The following LOXHD1 variants were observed in gnomAD, a reference collection of about 807,000 sequenced individuals.
The protein encoded by LOXHD1 is lipoxygenase homology PLAT domains 1.
A neutral mutation model predicts 248.2 loss-of-function variants in LOXHD1; 205 were observed. That is an observed-to-expected ratio of 0.83 (90% CI 0.74 to 0.93). The LOEUF (loss-of-function observed/expected upper bound fraction) is 0.93, where lower values mean the gene tolerates loss of function less well. Among genes scored for constraint, LOXHD1 ranks in the 40% least tolerant of loss-of-function variants. The pLI is 0.00. For missense variants in LOXHD1, 2,930 were observed against 2,971.6 expected (o/e 0.99, Z 0.33); for synonymous variants, 1,113 against 1,162.8 (o/e 0.96, Z 0.87).
intron 15 of LOXHD1, among the ~76,000 whole-genome samples, chr18:46,570,281 C>T (rs956413617): frequency 1.1e-4 from 16 of 152,188 alleles, no homozygotes; most frequent in Non-Finnish European, 2.2e-4. Context: ...CAAAAACACC[C>T]GAGGAAAAGG....
intron 37 of LOXHD1, among the ~76,000 whole-genome samples, chr18:46,494,813 A>G (rs983723083): frequency 7.5e-6 from 1 of 134,026 alleles, no homozygotes; most frequent in South Asian, 2.4e-4. Flanking sequence ...TAATATTTCT[A>G]TGATTTATAT....
At chr18:46,581,177 G>A (rs1014965744) in intron 12 of LOXHD1, among the ~76,000 whole-genome samples, 2 of 152,210 alleles carry the variant, frequency 1.3e-5, no homozygotes. Context: ...AATAATTACA[G>A]TAGTCTAGAA....
At chr18:46,656,802 G>T in intron 1 of LOXHD1, 102 bp downstream of exon 1, 1 of 1,317,502 alleles carries the variant, frequency 7.6e-7, no homozygotes, top group South Asian at 1.4e-5. Flanking sequence ...GTGAGGAAGG[G>T]CTTGCTCCGA....
intron 25 of LOXHD1, among the ~76,000 whole-genome samples, chr18:46,539,000 A>C (rs79484026): frequency 0.14 from 21,145 of 152,174 alleles, 1,580 homozygotes; most frequent in South Asian, 0.23. Flanking sequence ...ACCAGGGTTT[A>C]TTGGTCCCAC....
chr18:46,602,774 T>C (rs2038358093), intron 7 of LOXHD1, among the ~76,000 whole-genome samples: 1 of 152,106 alleles, frequency 6.6e-6, no homozygotes, highest in African/African-American at 2.4e-5. Flanking sequence ...GGAATGGTCA[T>C]TGCTCTAGAA....
intron 15 of LOXHD1, among the ~76,000 whole-genome samples, chr18:46,571,792 T>C (rs2037756448): frequency 6.6e-6 from 1 of 152,208 alleles, no homozygotes. Context: ...TTTCTCTTCT[T>C]AAGGCCTGAA....
chr18:46,609,220 A>G (rs954462815), intron 6 of LOXHD1, among the ~76,000 whole-genome samples: 2 of 152,232 alleles, frequency 1.3e-5, no homozygotes, highest in Non-Finnish European at 2.9e-5. Context: ...TGAAAGTCCC[A>G]GTGCTGGCGA....
rs1029128715 is a variant in LOXHD1 at position 46,577,800 on chromosome 18, C to T, written c.1877G>A (p.Gly626Asp). Residue 626 changes from glycine (G) to aspartate (D), a missense_variant, in exon 14 of 41, where the codon GGC (glycine) becomes GAC (aspartate). Coordinates refer to ENST00000642948, the MANE Select transcript of LOXHD1 (RefSeq NM_001384474.1). ...GTACCAGCCGCTGCCGGAGCCTTTG[C>T]CATCGTGTCTGATCCTCACCCGCCT... The part of the protein sequence containing the change: ...NVRRVRIRHD[G>D]KGSGSGWYLD... 6.4e-7 allele frequency: 1 copy of T among 1,551,716 alleles called. No individual in the cohort carries two copies. Among genetic ancestry groups the T allele is most frequent in the Non-Finnish European group, 8.7e-7 (1 of 1,146,994 alleles).
At chr18:46,518,868 G>A (rs1360945910) in intron 33 of LOXHD1, 26 of 985,468 alleles carry the variant, frequency 2.6e-5, no homozygotes, top group Non-Finnish European at 3.1e-5. Context: ...GCCATCGGGA[G>A]TGATTCTTAC....
intron 21 of LOXHD1, among the ~76,000 whole-genome samples, chr18:46,549,539 C>T (rs1008375943): frequency 6.6e-6 from 1 of 152,182 alleles, no homozygotes; most frequent in Non-Finnish European, 1.5e-5. Context: ...CCCTAACAAG[C>T]TGTGAGATCC....
At chr18:46,515,202 C>T (rs1194654927) in intron 34 of LOXHD1, among the ~76,000 whole-genome samples, 1 of 152,164 alleles carries the variant, frequency 6.6e-6, no homozygotes, top group Non-Finnish European at 1.5e-5. Flanking sequence ...GCATGCATAT[C>T]TCAGCCTCAT....
chr18:46,533,243 G>A lies in LOXHD1; in HGVS notation c.4294C>T (p.Pro1432Ser). 1 of 1,551,744 alleles carries A rather than the reference G, an allele frequency of 6.4e-7. No individual in the cohort carries two copies. Among genetic ancestry groups the A allele is most frequent in the African/African-American group, 1.4e-5 (1 of 73,152 alleles). ...DDKKTIRELV[P>S]YDIFTEKYMK... ...TATTTCTCAGTGAAGATGTCATATG[G>A]AACCAGTTCTCGAATGGTCTTTTTG... The change falls in exon 28 of 41, where the codon CCA (proline) becomes TCA (serine). Residue 1432 changes from proline to serine, a missense_variant. Coordinates refer to ENST00000642948, the MANE Select transcript of LOXHD1 (RefSeq NM_001384474.1).
intron 28 of LOXHD1, among the ~76,000 whole-genome samples, chr18:46,529,597 C>T (rs950555067): frequency 6.6e-6 from 1 of 152,186 alleles, no homozygotes; most frequent in Admixed American, 6.5e-5. Flanking sequence ...ACCCCTCAAA[C>T]GATCTATCTG....
chr18:46,559,424 A>T, intron 20 of LOXHD1, 24 bp downstream of exon 20: 1 of 1,551,866 alleles, frequency 6.4e-7, no homozygotes, highest in Non-Finnish European at 8.7e-7. Context: ...GCCCCCACCC[A>T]GGGGCCAGAG....
intron 4 of LOXHD1, among the ~76,000 whole-genome samples, chr18:46,637,746 C>T (rs372911481): frequency 6.6e-6 from 1 of 152,050 alleles, no homozygotes; most frequent in Non-Finnish European, 1.5e-5. Flanking sequence ...GATAATCAAA[C>T]AATACTACCA....
chr18:46,647,850 T>A (rs948577160), intron 2 of LOXHD1, among the ~76,000 whole-genome samples: 3 of 152,094 alleles, frequency 2.0e-5, no homozygotes, highest in African/African-American at 7.2e-5. Context: ...AGGGTCACAA[T>A]CTGGAGCCCC....
intron 21 of LOXHD1, among the ~76,000 whole-genome samples, chr18:46,555,976 C>T (rs1230189904): frequency 6.6e-6 from 1 of 152,010 alleles, no homozygotes; most frequent in South Asian, 2.1e-4. Flanking sequence ...TGCTTGCGGA[C>T]ATCCATAAGC....
intron 4 of LOXHD1, among the ~76,000 whole-genome samples, chr18:46,631,790 C>A (rs80324090): frequency 8.5e-5 from 13 of 152,168 alleles, no homozygotes; most frequent in Non-Finnish European, 1.5e-4. Flanking sequence ...GGGCTTGATG[C>A]GATAGGGCCT....
chr18:46,509,415 C>T lies in LOXHD1; in HGVS notation c.5517+283G>A, dbSNP rs557860374. 2.6e-5 allele frequency among the ~76,000 whole-genome samples: 4 copies of T among 152,222 alleles called. No homozygotes were observed. In the South Asian group the frequency reaches 6.2e-4, roughly 24 times the overall value. ...CTCCCAGCTGCTGTCCTGAAGGAAG[C>T]CCACACCACCCCTCCCCTTTCTCAG... On this transcript the variant is annotated intron_variant, in intron 35 of 40. Transcript: ENST00000642948.
Sources: allele counts gnomAD v4.1 joint callset (sites outside exome capture counted in the v4.1 genomes callset), GRCh38; gene constraint gnomAD v4.1.1; transcripts MANE v1.5; gene names NCBI Gene and HGNC (gene_info 2026-07-23, HGNC 2026-07-21).